The following UBE2E2 variants were observed in gnomAD, a reference collection of about 807,000 sequenced individuals.
UBE2E2 encodes ubiquitin conjugating enzyme E2 E2.
In UBE2E2, 6 loss-of-function variants were observed where a neutral mutation model predicts 24.7. The observed-to-expected ratio is 0.24, with a 90% CI of 0.13 to 0.48. The LOEUF (loss-of-function observed/expected upper bound fraction) is 0.48. UBE2E2 is among the 20% of genes least tolerant of loss of function. The pLI, the probability that UBE2E2 is intolerant of heterozygous loss-of-function variation, is 0.99. For missense variants in UBE2E2, 169 were observed against 245.0 expected (o/e 0.69, Z 2.07); for synonymous variants, 104 against 83.6 (o/e 1.24, Z -1.33).
At position 23,499,668 on chromosome 3, in the gene UBE2E2, A is replaced by G; in HGVS notation, c.288A>G (p.Gly96=). ...EWRSTILGPP[G]SVYEGGVFFL... is the part of the protein sequence containing the mutation. Reference sequence around the variant, plus strand: ...GGTCAACTATATTGGGACCCCCAGGATCTGTCTATGAAGGAGGGGTGTTCT... The same window carrying G: ...GGTCAACTATATTGGGACCCCCAGGGTCTGTCTATGAAGGAGGGGTGTTCT... Residue 96 remains glycine (G), a synonymous_variant, in exon 4 of 6, where the codon GGA becomes GGG. Transcript: ENST00000396703. 6.2e-7 allele frequency: 1 copy of G among 1,614,006 alleles called. No individual in the cohort carries two copies. The highest frequency in any genetic ancestry group is 8.5e-7 in the Non-Finnish European group (1 of 1,179,914).
intron 3 of UBE2E2, among the ~76,000 whole-genome samples, chr3:23,354,875 C>T (rs1232373123): frequency 1.3e-5 from 2 of 152,218 alleles, no homozygotes; most frequent in African/African-American, 2.4e-5. Context: ...CATCCCATTA[C>T]TGGGTATATA....
At chr3:23,225,809 C>G (rs1199621873) in intron 3 of UBE2E2, among the ~76,000 whole-genome samples, 1 of 152,060 alleles carries the variant, frequency 6.6e-6, no homozygotes, top group Admixed American at 6.6e-5. Flanking sequence ...GAGGCTGTGA[C>G]TGGACATAAA....
chr3:23,440,132 G>A (rs1393003250), intron 3 of UBE2E2, among the ~76,000 whole-genome samples: 1 of 152,106 alleles, frequency 6.6e-6, no homozygotes, highest in Admixed American at 6.5e-5. Context: ...AAATTAGCCA[G>A]GTGCAGTGGC....
chr3:23,382,275 G>C (rs752674194), intron 3 of UBE2E2, among the ~76,000 whole-genome samples: 7 of 141,896 alleles, frequency 4.9e-5, no homozygotes, highest in African/African-American at 1.8e-4. Context: ...ACCACCTATC[G>C]GGTTCAAGCG....
chr3:23,551,940 C>A (rs1251528408), intron 5 of UBE2E2, among the ~76,000 whole-genome samples: 1 of 152,088 alleles, frequency 6.6e-6, no homozygotes, highest in African/African-American at 2.4e-5. Flanking sequence ...AAGGGTGGAA[C>A]CCTGATCCAA....
At chr3:23,203,320 T>G (rs948396780), upstream of UBE2E2, 3 of 986,490 alleles carry the variant, frequency 3.0e-6, no homozygotes, top group African/African-American at 3.5e-5. Flanking sequence ...GCGTGGTGCG[T>G]GGGTCCGGCT....
intron 3 of UBE2E2, among the ~76,000 whole-genome samples, chr3:23,240,799 G>A (rs535181782): frequency 5.3e-5 from 8 of 152,280 alleles, no homozygotes; most frequent in South Asian, 4.1e-4. Context: ...ATCCATTAGA[G>A]TGTATGCAGT....
chr3:23,232,002 T>C (rs1275147157), intron 3 of UBE2E2, among the ~76,000 whole-genome samples: 1 of 152,234 alleles, frequency 6.6e-6, no homozygotes, highest in Non-Finnish European at 1.5e-5. Context: ...GAAGCCCTGC[T>C]GACCCTGTCC....
intron 3 of UBE2E2, chr3:23,273,976 AC>A (rs1195556449): frequency 1.3e-5 from 2 of 152,216 alleles, no homozygotes; most frequent in Non-Finnish European, 2.9e-5. Context: ...GATTCTTCTT[AC>A]TGACTGAATC....
At chr3:23,209,365 G>A (rs964071354) in intron 2 of UBE2E2, among the ~76,000 whole-genome samples, 3 of 152,100 alleles carry the variant, frequency 2.0e-5, no homozygotes, top group African/African-American at 7.2e-5. Flanking sequence ...TCTTGATACG[G>A]ATTTTCTCTT....
At chr3:23,244,948 G>A (rs902546550) in intron 3 of UBE2E2, among the ~76,000 whole-genome samples, 5 of 152,086 alleles carry the variant, frequency 3.3e-5, no homozygotes, top group Non-Finnish European at 5.9e-5. Flanking sequence ...ATTTGCAGTC[G>A]GGTTAATACC....
At chr3:23,275,077 C>T (rs1327639952) in intron 3 of UBE2E2, among the ~76,000 whole-genome samples, 1 of 152,122 alleles carries the variant, frequency 6.6e-6, no homozygotes, top group African/African-American at 2.4e-5. Context: ...TTGTGTTAGG[C>T]AGGGGGACTG....
At chr3:23,349,939 G>T (rs1298080290) in intron 3 of UBE2E2, among the ~76,000 whole-genome samples, 1 of 152,236 alleles carries the variant, frequency 6.6e-6, no homozygotes, top group African/African-American at 2.4e-5. Flanking sequence ...TCCTCAAGTG[G>T]GTCCCTGACC....
At chr3:23,344,592 A>T (rs1294128092) in intron 3 of UBE2E2, among the ~76,000 whole-genome samples, 1 of 152,098 alleles carries the variant, frequency 6.6e-6, no homozygotes, top group African/African-American at 2.4e-5. Flanking sequence ...TAAGAATTAA[A>T]GTACTGATGT....
At chr3:23,382,846 A>G (rs747537827) in intron 3 of UBE2E2, among the ~76,000 whole-genome samples, 1 of 152,212 alleles carries the variant, frequency 6.6e-6, no homozygotes, top group Non-Finnish European at 1.5e-5. Context: ...GCAAAGGACC[A>G]GACATGAAGG....
chr3:23,433,974 C>T (rs1408529345), intron 3 of UBE2E2, among the ~76,000 whole-genome samples: 4 of 151,888 alleles, frequency 2.6e-5, no homozygotes, highest in Non-Finnish European at 5.9e-5. Context: ...TTATATGGAA[C>T]TATTTATAAT....
At chr3:23,483,749 G>C (rs1699304107) in intron 3 of UBE2E2, among the ~76,000 whole-genome samples, 1 of 152,182 alleles carries the variant, frequency 6.6e-6, no homozygotes, top group Non-Finnish European at 1.5e-5. Context: ...GTTCTATCAT[G>C]GTGATTCTAG....
chr3:23,581,439 A>G (rs1269113372), intron 5 of UBE2E2, among the ~76,000 whole-genome samples: 3 of 152,216 alleles, frequency 2.0e-5, no homozygotes, highest in Non-Finnish European at 4.4e-5. Flanking sequence ...TGTCTTTAAG[A>G]AGACAATCAG....
At chr3:23,503,371 A>C (rs1694333830) in intron 4 of UBE2E2, among the ~76,000 whole-genome samples, 1 of 151,230 alleles carries the variant, frequency 6.6e-6, no homozygotes, top group African/African-American at 2.4e-5. Flanking sequence ...TTGTATTTTT[A>C]GTGGAGACAG....
Sources: allele counts gnomAD v4.1 joint callset (sites outside exome capture counted in the v4.1 genomes callset), GRCh38; gene constraint gnomAD v4.1.1; transcripts MANE v1.5; gene names NCBI Gene and HGNC (gene_info 2026-07-23, HGNC 2026-07-21).